The following NSMAF variants were observed in gnomAD, a reference collection of about 807,000 sequenced individuals.
NSMAF encodes the protein neutral sphingomyelinase activation associated factor, also known as protein FAN.
NSMAF carries 90 observed loss-of-function variants against 134.9 expected under a neutral mutation model. The observed-to-expected ratio is 0.67, with a 90% CI of 0.56 to 0.79. NSMAF has a LOEUF of 0.79. Ranked by LOEUF, NSMAF falls within the 30% of genes least tolerant of loss-of-function variation. The pLI is 0.00. For synonymous variants in NSMAF, 358 were observed against 389.6 expected, an observed-to-expected ratio of 0.92 and a Z score of 0.96; for missense variants, 1,010 against 1,119.0, an observed-to-expected ratio of 0.90 and a Z score of 1.39.
At chr8:58,601,561 TAG>T in intron 14 of NSMAF, 26 bp from the exon 15 acceptor site, 1 of 885,272 alleles carries the variant, frequency 1.1e-6, no homozygotes, top group South Asian at 1.8e-5. Context: ...AAAAAAAAAA[TAG>T]AGCTAAGTGT....
intron 9 of NSMAF, 136 bp downstream of exon 9, chr8:58,623,084 G>A: frequency 1.5e-6 from 1 of 683,424 alleles, no homozygotes. Flanking sequence ...CTCCTGCACT[G>A]AGGCTGAGCC....
intron 18 of NSMAF, 104 bp downstream of exon 18, chr8:58,599,646 A>G: frequency 1.5e-6 from 2 of 1,293,540 alleles, no homozygotes; most frequent in Non-Finnish European, 2.2e-6. Flanking sequence ...TTATTTAGAG[A>G]ATTATATTGT....
chr8:58,653,214 A>G (rs1256030236), intron 1 of NSMAF, among the ~76,000 whole-genome samples: 2 of 152,216 alleles, frequency 1.3e-5, no homozygotes, highest in African/African-American at 2.4e-5. Flanking sequence ...CAAATAAAAT[A>G]TATAACTTCC....
Position 58,594,275 on chromosome 8 carries a change from G to T in NSMAF, c.1908C>A (p.Ile636=). 6.2e-7 allele frequency: 1 copy of T among 1,614,108 alleles called. No homozygotes were observed. The highest frequency in any genetic ancestry group is 8.5e-7 in the Non-Finnish European group (1 of 1,179,948). The change falls in exon 23 of 31, where the codon ATC becomes ATA. Residue 636 remains isoleucine (I), a synonymous_variant. Coordinates refer to ENST00000038176, the MANE Select transcript of NSMAF (RefSeq NM_003580.4). Reference sequence around the variant, plus strand: ...CTGAAGATCCATTGCGAGAGACCGTGATTCCAGTAACTGCTCTGCTCAAAA... The same window carrying T: ...CTGAAGATCCATTGCGAGAGACCGTTATTCCAGTAACTGCTCTGCTCAAAA... The part of the protein sequence containing the change: ...YKIHKEAVTG[I]TVSRNGSSVF...
rs1563527208 is a variant in NSMAF at position 58,599,986 on chromosome 8, G to A, written c.1316C>T (p.Ala439Val). 1 of 1,613,790 alleles carries A rather than the reference G, an allele frequency of 6.2e-7. No individual in the cohort carries two copies. The highest frequency in any genetic ancestry group is 8.5e-7 in the Non-Finnish European group (1 of 1,179,916). ...AETWKNCLDGATDFKELIPEF... is the reference protein window; with the variant it reads ...AETWKNCLDGVTDFKELIPEF... ...ACTGCTTACCTCTTTAAAATCCGTT[G>A]CACCATCCAGACAGTTTTTCCAAGT... Residue 439 changes from alanine to valine, a missense_variant, in exon 17 of 31, where the codon GCA becomes GTA. By Grantham distance (64) the Ala-to-Val change is moderately conservative (BLOSUM62 0). Transcript: ENST00000038176.
chr8:58,633,711 T>C (rs1314246879), intron 5 of NSMAF, among the ~76,000 whole-genome samples: 3 of 152,130 alleles, frequency 2.0e-5, no homozygotes, highest in East Asian at 1.9e-4. Flanking sequence ...AACAAAAAAA[T>C]TGGAAGCAAA....
At chr8:58,659,325 G>A (rs1299718832) in intron 1 of NSMAF, 6 of 1,527,766 alleles carry the variant, frequency 3.9e-6, no homozygotes, top group Non-Finnish European at 3.5e-6. Context: ...GCTCCGCGGT[G>A]GAATCTGGCC....
Position 58,643,004 on chromosome 8 carries a change from G to A in NSMAF, c.129C>T (p.His43=). The A allele has an allele frequency of 6.2e-7, 1 of 1,613,636 alleles. No individual in the cohort carries two copies. The highest frequency in any genetic ancestry group is 8.5e-7 in the Non-Finnish European group (1 of 1,179,570). ...FEQHRANHIL[H]KGSHHERKIR... is the part of the protein sequence containing the mutation. ...CTTACCTTTCATGGTGACTGCCCTT[G>A]TGCAAAATGTGATTGGCTCTATGCT... The change falls in exon 2 of 31, where the codon CAC becomes CAT. Residue 43 remains histidine, a synonymous_variant. Coordinates refer to ENST00000038176, the MANE Select transcript of NSMAF (RefSeq NM_003580.4).
At chr8:58,623,645 C>T (rs557471732) in intron 7 of NSMAF, 64 bp downstream of exon 7, 73 of 1,391,254 alleles carry the variant, frequency 5.2e-5, no homozygotes, top group Non-Finnish European at 6.8e-5. Context: ...TATATAAATA[C>T]GAAATTTATA....
chr8:58,601,434 A>G lies in NSMAF; in HGVS notation c.1216+11T>C. On this transcript the variant is annotated intron_variant, in intron 15 of 30. Transcript: ENST00000038176. ...TAAAATTTAATTGGGGGTAATGATA[A>G]AGAATCTTACCAATCCTAACAAGAT... 1 of 1,612,792 alleles carries G rather than the reference A, an allele frequency of 6.2e-7. No individual in the cohort carries two copies. Among genetic ancestry groups the G allele is most frequent in the Non-Finnish European group, 8.5e-7 (1 of 1,178,914 alleles).
intron 16 of NSMAF, among the ~76,000 whole-genome samples, chr8:58,600,344 G>A (rs1806250519): frequency 1.3e-5 from 2 of 152,044 alleles, no homozygotes; most frequent in South Asian, 4.1e-4. Flanking sequence ...AGCACCACTG[G>A]TAGGGCGCGG....
Position 58,635,308 on chromosome 8 carries a change from G to T in NSMAF, c.293C>A (p.Thr98Lys). Residue 98 changes from threonine to lysine, a missense_variant, in exon 4 of 31, where the codon ACA becomes AAA. Coordinates refer to ENST00000038176, the MANE Select transcript of NSMAF (RefSeq NM_003580.4). The stretch of plus-strand genomic sequence containing the variant: ...AACAGTGGTGAAAATGACATACTTT[G>T]TGAAGTGTCTATTGGCTCCATTTTC... The part of the protein sequence containing the change: ...HGENGANRHF[T>K]KAKSGGISLI... 1.2e-6 allele frequency: 2 copies of T among 1,611,164 alleles called. No homozygotes were observed. The highest frequency in any genetic ancestry group is 1.7e-6 in the Non-Finnish European group (2 of 1,178,530).
intron 22 of NSMAF, 113 bp from the exon 23 acceptor site, chr8:58,594,403 C>T: frequency 2.2e-6 from 2 of 924,530 alleles, no homozygotes; most frequent in Non-Finnish European, 1.7e-6. Context: ...TTCTTCACAG[C>T]ATGTCTGCCG....
chr8:58,635,171 T>TATTTATTATG lies in NSMAF; in HGVS notation c.333+8_333+17dup, dbSNP rs753974706. 6.3e-7 allele frequency: 1 copy of TATTTATTATG among 1,596,038 alleles called. No individual in the cohort carries two copies. The highest frequency in any genetic ancestry group is 8.6e-7 in the Non-Finnish European group (1 of 1,166,818). ...AATGTTCATTCAGATTAGGAAAAAA[T>TATTTATTATG]ATTTATTATGTGCTTACCTGACTGA... is the stretch of plus-strand genomic sequence containing the variant. On this transcript the variant is annotated intron_variant, in intron 5 of 30. Transcript: ENST00000038176.
intron 6 of NSMAF, among the ~76,000 whole-genome samples, chr8:58,627,955 TG>T (rs1806973741): frequency 6.6e-6 from 1 of 152,126 alleles, no homozygotes; most frequent in Non-Finnish European, 1.5e-5. Flanking sequence ...AGAACAAATC[TG>T]GGGGCATCAC....
At chr8:58,638,464 C>T (rs1807253952) in intron 2 of NSMAF, among the ~76,000 whole-genome samples, 1 of 152,062 alleles carries the variant, frequency 6.6e-6, no homozygotes, top group Non-Finnish European at 1.5e-5. Context: ...CAATGGAACA[C>T]AATACATCCA....
intron 1 of NSMAF, among the ~76,000 whole-genome samples, chr8:58,658,852 T>A (rs965978800): frequency 2.0e-5 from 3 of 152,208 alleles, no homozygotes. Flanking sequence ...AAATCCTTAC[T>A]GGGATGCTGG....
intron 2 of NSMAF, among the ~76,000 whole-genome samples, chr8:58,639,278 C>T (rs117164295): frequency 0.078 from 11,397 of 145,430 alleles, 518 homozygotes; most frequent in African/African-American, 0.12. Flanking sequence ...AGTGAGACTC[C>T]GTCTCAATAA....
At chr8:58,626,111 T>C (rs1806924422) in intron 6 of NSMAF, among the ~76,000 whole-genome samples, 2 of 147,144 alleles carry the variant, frequency 1.4e-5, no homozygotes, top group Admixed American at 6.8e-5. Context: ...TTTTTTTTTT[T>C]TGAGATGGAG....
Sources: gnomAD v4.1 joint callset for allele counts (sites outside exome capture counted in the v4.1 genomes callset) on GRCh38, gnomAD v4.1.1 for gene constraint, MANE v1.5 for transcripts, NCBI Gene and HGNC (gene_info 2026-07-23, HGNC 2026-07-21) for gene names.